Variants in BBX observed in about 807,000 individuals in gnomAD.
BBX encodes BBX high mobility group box domain containing.
BBX carries 30 observed loss-of-function variants against 100.2 expected under a neutral mutation model. The observed-to-expected ratio is 0.30, with a 90% CI of 0.22 to 0.41. BBX has a LOEUF of 0.41. BBX is among the 10% of genes least tolerant of loss of function. The pLI, the probability that BBX is intolerant of heterozygous loss-of-function variation, is 1.00. For synonymous variants in BBX, 376 were observed against 388.1 expected, an observed-to-expected ratio of 0.97 and a Z score of 0.37; for missense variants, 1,023 against 1,129.8, an observed-to-expected ratio of 0.91 and a Z score of 1.35.
At chr3:107,677,025 CAT>C (rs2059316278) in intron 3 of BBX, among the ~76,000 whole-genome samples, 1 of 151,908 alleles carries the variant, frequency 6.6e-6, no homozygotes, top group Non-Finnish European at 1.5e-5. Context: ...TATATGGATT[CAT>C]ATATACTTTA....
intron 2 of BBX, among the ~76,000 whole-genome samples, chr3:107,555,218 A>G (rs1422002710): frequency 1.3e-5 from 2 of 152,148 alleles, no homozygotes; most frequent in Non-Finnish European, 2.9e-5. Context: ...CTCTATTTGC[A>G]TGTACTTTTG....
intron 10 of BBX, among the ~76,000 whole-genome samples, chr3:107,768,522 G>C (rs1178421666): frequency 6.6e-6 from 1 of 152,148 alleles, no homozygotes; most frequent in Admixed American, 6.5e-5. Context: ...ACAAAGACAT[G>C]AAAAGCAGCT....
Position 107,807,089 on chromosome 3 carries a change from A to T in BBX, c.*1632A>T, listed in dbSNP as rs180675190. ...AGCCATACAAAAAATGACTCTATTC[A>T]TACTAGGTTTAGCTTCTCATGGTTG... On this transcript the variant is annotated 3_prime_UTR_variant, in exon 18 of 18. Coordinates refer to ENST00000325805, the MANE Select transcript of BBX (RefSeq NM_001142568.3). The T allele has an allele frequency of 6.6e-6, 1 of 152,294 alleles. No homozygotes were observed. The allele number at this position is 152,294 out of a possible 1,614,324, so 9.4% of individuals were successfully genotyped here. A position where few individuals can be genotyped will look rare whatever the true frequency, so the allele number is the denominator to read the frequency against.
At chr3:107,724,815 G>A in intron 5 of BBX, among the ~76,000 whole-genome samples, 1 of 152,174 alleles carries the variant, frequency 6.6e-6, no homozygotes, top group Non-Finnish European at 1.5e-5. Context: ...CTGTAGCCTT[G>A]TAGTATAGTT....
At position 107,790,188 on chromosome 3, in the gene BBX, T is replaced by G. The variant is rs2107929556; in HGVS notation, c.2293+312T>G. 2.0e-5 allele frequency among the ~76,000 whole-genome samples: 3 copies of G among 152,274 alleles called. No individual in the cohort carries two copies. In the South Asian group the frequency reaches 6.2e-4, roughly 32 times the overall value. On this transcript the variant is annotated intron_variant, in intron 14 of 17. Transcript: ENST00000325805. The stretch of plus-strand genomic sequence containing the variant: ...TCTTCTTGACCACTTATCCATTTAT[T>G]TTCTTTGACTATTCTTGGTTTTCAC...
In BBX at chr3:107,723,757, T is replaced by C. The variant is rs541527433; in HGVS notation, c.406-5008T>C. The stretch of plus-strand genomic sequence containing the variant: ...ACATGAACTCATCCTTTTTTATGGC[T>C]GCATAGTATTCCATGGTGTATATGT... On this transcript the variant is annotated intron_variant, in intron 5 of 17. Transcript: ENST00000325805. Among the ~76,000 whole-genome samples the C allele has an allele frequency of 3.9e-5, 6 of 152,332 alleles. No homozygotes were observed. The East Asian group carries it at 1.2e-3, about 29-fold the overall frequency.
intron 9 of BBX, among the ~76,000 whole-genome samples, chr3:107,750,744 A>G (rs1052097133): frequency 6.6e-6 from 1 of 152,208 alleles, no homozygotes; most frequent in Non-Finnish European, 1.5e-5. Flanking sequence ...AATATCTACT[A>G]AAATCTGCTA....
At chr3:107,547,902 T>G (rs1008609280) in intron 2 of BBX, among the ~76,000 whole-genome samples, 3 of 152,164 alleles carry the variant, frequency 2.0e-5, no homozygotes, top group Non-Finnish European at 4.4e-5. Context: ...AGCCAACTCC[T>G]TTTCTACTTT....
chr3:107,778,795 C>G (rs537587893), intron 13 of BBX, among the ~76,000 whole-genome samples: 11 of 151,882 alleles, frequency 7.2e-5, no homozygotes, highest in Admixed American at 7.2e-4. Context: ...CTCCTGCTCT[C>G]CAGAATTCTA....
At chr3:107,748,077 C>G in intron 9 of BBX, 38 bp downstream of exon 9, 3 of 1,539,684 alleles carry the variant, frequency 1.9e-6, no homozygotes, top group Non-Finnish European at 2.7e-6. Context: ...GCTAAGAAAA[C>G]TTGTTGAGCT....
intron 13 of BBX, among the ~76,000 whole-genome samples, chr3:107,784,780 A>C (rs2068250000): frequency 6.6e-6 from 1 of 151,864 alleles, no homozygotes; most frequent in Admixed American, 6.6e-5. Flanking sequence ...ACTCAAAGGA[A>C]GCAGAAGAAA....
intron 5 of BBX, among the ~76,000 whole-genome samples, chr3:107,724,767 A>G (rs2062796813): frequency 6.6e-6 from 1 of 151,990 alleles, no homozygotes; most frequent in South Asian, 2.1e-4. Context: ...ATTGGTCTAT[A>G]TCTCTGTTTT....
chr3:107,645,046 G>A (rs1394097381), intron 2 of BBX, among the ~76,000 whole-genome samples: 1 of 152,146 alleles, frequency 6.6e-6, no homozygotes, highest in Non-Finnish European at 1.5e-5. Context: ...AGATTTAGAA[G>A]AAATATATTG....
chr3:107,676,736 CCAGT>C (rs1303652014), intron 3 of BBX, among the ~76,000 whole-genome samples: 2 of 152,074 alleles, frequency 1.3e-5, no homozygotes, highest in African/African-American at 2.4e-5. Context: ...ATCAATATTA[CCAGT>C]CAGAGTTGTG....
rs143193491 is a variant in BBX at position 107,559,410 on chromosome 3, G to C, written c.-84+33012G>C. 2.8e-4 allele frequency among the ~76,000 whole-genome samples: 43 copies of C among 152,286 alleles called. No individual in the cohort carries two copies. In the East Asian group the frequency reaches 7.3e-3, roughly 26 times the overall value. On this transcript the variant is annotated intron_variant, in intron 2 of 17. Coordinates refer to ENST00000325805, the MANE Select transcript of BBX (RefSeq NM_001142568.3). ...TACAGAAGAAGCAGTACAGAAGTTGGGGGACTGAAGGAGAGGGAGCCACTG... is the reference window on the plus strand; with the variant it reads ...TACAGAAGAAGCAGTACAGAAGTTGCGGGACTGAAGGAGAGGGAGCCACTG...
intron 7 of BBX, among the ~76,000 whole-genome samples, chr3:107,742,608 G>T (rs371775534): frequency 6.6e-6 from 1 of 152,194 alleles, no homozygotes; most frequent in South Asian, 2.1e-4. Flanking sequence ...AGCATTTGTT[G>T]TACTCCTGGC....
chr3:107,579,605 G>A (rs763354904), intron 2 of BBX, among the ~76,000 whole-genome samples: 9 of 152,200 alleles, frequency 5.9e-5, no homozygotes, highest in Non-Finnish European at 1.5e-5. Context: ...GTTGATGGAT[G>A]CTTTGCAGTC....
chr3:107,528,928 G>A (rs1361882115), intron 2 of BBX, among the ~76,000 whole-genome samples: 2 of 152,092 alleles, frequency 1.3e-5, no homozygotes, highest in Non-Finnish European at 2.9e-5. Context: ...GTAAAAGCAA[G>A]GGGTATATTT....
At chr3:107,622,208 GA>G (rs2055828187) in intron 2 of BBX, among the ~76,000 whole-genome samples, 1 of 152,140 alleles carries the variant, frequency 6.6e-6, no homozygotes, top group Non-Finnish European at 1.5e-5. Context: ...AACCTTTTGA[GA>G]TCGCCTTCTT....
Sources: allele counts gnomAD v4.1 joint callset (sites outside exome capture counted in the v4.1 genomes callset), GRCh38; gene constraint gnomAD v4.1.1; transcripts MANE v1.5; gene names NCBI Gene and HGNC (gene_info 2026-07-23, HGNC 2026-07-21).